The following LRBA variants were observed in gnomAD, a reference collection of about 807,000 sequenced individuals.
The protein encoded by LRBA is lipopolysaccharide-responsive and beige-like anchor protein.
A neutral mutation model predicts 330.0 loss-of-function variants in LRBA; 176 were observed. The ratio of observed to expected loss-of-function variants is 0.53; its 90% CI spans 0.47 to 0.60. The LOEUF (loss-of-function observed/expected upper bound fraction) is 0.60. Among genes scored for constraint, LRBA ranks in the 20% least tolerant of loss-of-function variants. LRBA has a pLI of 0.00. For synonymous variants in LRBA, 1,230 were observed against 1,193.0 expected, an observed-to-expected ratio of 1.03 and a Z score of -0.64; for missense variants, 3,259 against 3,444.8, an observed-to-expected ratio of 0.95 and a Z score of 1.35.
At chr4:150,612,205 A>G (rs988451173) in intron 37 of LRBA, among the ~76,000 whole-genome samples, 1 of 151,016 alleles carries the variant, frequency 6.6e-6, no homozygotes, top group Non-Finnish European at 1.5e-5. Context: ...AGAAAAGAAC[A>G]AAAAAAAAGT....
intron 30 of LRBA, among the ~76,000 whole-genome samples, chr4:150,824,673 C>T: frequency 6.6e-6 from 1 of 152,116 alleles, no homozygotes; most frequent in Non-Finnish European, 1.5e-5. Context: ...GATCATATGG[C>T]TTTTGTCTTC....
chr4:150,352,417 T>TATA (rs1375493277), intron 47 of LRBA, among the ~76,000 whole-genome samples: 1 of 152,158 alleles, frequency 6.6e-6, no homozygotes, highest in Non-Finnish European at 1.5e-5. Flanking sequence ...AAATTGAAAA[T>TATA]ATAATTTTGT....
intron 37 of LRBA, among the ~76,000 whole-genome samples, chr4:150,654,341 C>G (rs984278495): frequency 1.3e-5 from 2 of 152,086 alleles, no homozygotes; most frequent in Admixed American, 6.5e-5. Flanking sequence ...TGCCTGCCAC[C>G]ATGCCTGGCT....
rs1744834032 is a variant in LRBA at position 150,397,086 on chromosome 4, T to G, written c.7194+18352A>C. Among the ~76,000 whole-genome samples, 6 of 152,282 alleles carry G rather than the reference T, an allele frequency of 3.9e-5. No homozygotes were observed. In the South Asian group the frequency reaches 1.2e-3, roughly 32 times the overall value. ...GGAGTAGGTGTATGTCCTTGTAATG[T>G]TTTTATTACATTGAGATATCATACA... On this transcript the variant is annotated intron_variant, in intron 47 of 56. Transcript: ENST00000651943.
intron 47 of LRBA, among the ~76,000 whole-genome samples, chr4:150,350,396 C>A (rs1235165589): frequency 2.0e-5 from 3 of 152,044 alleles, no homozygotes; most frequent in African/African-American, 4.8e-5. Flanking sequence ...ATGGCGAAAC[C>A]CGGTCTCTAC....
chr4:150,914,983 G>A (rs1732429633), intron 8 of LRBA, among the ~76,000 whole-genome samples: 1 of 152,122 alleles, frequency 6.6e-6, no homozygotes, highest in Non-Finnish European at 1.5e-5. Context: ...ATAAATGACA[G>A]AGCTGAGATT....
chr4:150,286,644 C>A (rs1748159553), intron 53 of LRBA, among the ~76,000 whole-genome samples: 2 of 151,964 alleles, frequency 1.3e-5, no homozygotes, highest in Admixed American at 1.3e-4. Context: ...AAAAACCAAA[C>A]CCTTACAGAT....
chr4:150,858,827 T>G (rs1751540438), intron 22 of LRBA, among the ~76,000 whole-genome samples: 1 of 152,176 alleles, frequency 6.6e-6, no homozygotes, highest in African/African-American at 2.4e-5. Flanking sequence ...CAGCCAATTT[T>G]GTAACTTTTG....
At chr4:150,494,177 C>A (rs1417665973) in intron 40 of LRBA, among the ~76,000 whole-genome samples, 3 of 152,026 alleles carry the variant, frequency 2.0e-5, no homozygotes, top group Non-Finnish European at 4.4e-5. Context: ...TGGCCTATAC[C>A]CAGGTTTTCT....
At chr4:150,357,834 G>T (rs903739117) in intron 47 of LRBA, among the ~76,000 whole-genome samples, 1 of 151,876 alleles carries the variant, frequency 6.6e-6, no homozygotes, top group African/African-American at 2.4e-5. Context: ...TTTAAAGGGA[G>T]ATATCACATA....
At chr4:150,735,181 C>A in intron 36 of LRBA, 77 bp downstream of exon 36, 2 of 1,067,864 alleles carry the variant, frequency 1.9e-6, no homozygotes, top group South Asian at 2.6e-5. Context: ...TTGGACCTGC[C>A]ATTTTACCGG....
chr4:150,501,105 A>G (rs1021960380), intron 40 of LRBA, among the ~76,000 whole-genome samples: 2 of 152,248 alleles, frequency 1.3e-5, no homozygotes, highest in African/African-American at 4.8e-5. Context: ...ATAGAACATT[A>G]TGAATAAAAC....
chr4:150,881,648 T>G (rs988657604), intron 17 of LRBA, among the ~76,000 whole-genome samples: 1 of 152,176 alleles, frequency 6.6e-6, no homozygotes. Context: ...AACCTGCACA[T>G]GTACCCCCTG....
intron 34 of LRBA, among the ~76,000 whole-genome samples, chr4:150,792,339 A>T (rs1040045377): frequency 2.6e-5 from 4 of 152,146 alleles, no homozygotes; most frequent in African/African-American, 9.7e-5. Flanking sequence ...AATAGAAATC[A>T]AATCACTGGC....
intron 20 of LRBA, among the ~76,000 whole-genome samples, chr4:150,869,740 A>G (rs1284377003): frequency 1.6e-5 from 2 of 126,624 alleles, no homozygotes; most frequent in Admixed American, 1.5e-4. Context: ...AATTAAAACA[A>G]AAAAAAAAAT....
Position 150,512,566 on chromosome 4 carries a change from T to C in LRBA, c.6331-21531A>G, listed in dbSNP as rs534719443. On this transcript the variant is annotated intron_variant, in intron 40 of 56. Coordinates refer to ENST00000651943, the MANE Select transcript of LRBA (RefSeq NM_001364905.1). ...TAAGGATAGAATCAGGAGTCAGCAG[T>C]CTAGGGCTCCACACCAGAATCTACC... 2.0e-5 allele frequency among the ~76,000 whole-genome samples: 3 copies of C among 152,070 alleles called. No homozygotes were observed. In the East Asian group the frequency reaches 5.8e-4, roughly 29 times the overall value.
intron 47 of LRBA, among the ~76,000 whole-genome samples, chr4:150,406,372 T>C (rs534522493): frequency 4.6e-5 from 7 of 152,310 alleles, no homozygotes; most frequent in African/African-American, 1.7e-4. Flanking sequence ...TAACATTAAA[T>C]GTGAATAAAC....
chr4:150,926,428 G>GA (rs969448746), intron 4 of LRBA, among the ~76,000 whole-genome samples: 2 of 151,754 alleles, frequency 1.3e-5, no homozygotes, highest in African/African-American at 2.4e-5. Context: ...AACCTTACTG[G>GA]AAAAAAAACT....
At chr4:150,277,633 C>A (rs1746953856) in intron 56 of LRBA, among the ~76,000 whole-genome samples, 1 of 152,024 alleles carries the variant, frequency 6.6e-6, no homozygotes, top group South Asian at 2.1e-4. Context: ...TAAATAAATT[C>A]CCTCTGCAGG....
Sources: allele counts gnomAD v4.1 joint callset (sites outside exome capture counted in the v4.1 genomes callset), GRCh38; gene constraint gnomAD v4.1.1; transcripts MANE v1.5; gene names NCBI Gene and HGNC (gene_info 2026-07-23, HGNC 2026-07-21).